PREX2: variants seen among roughly 807,000 people sequenced by gnomAD.
PREX2 encodes the protein phosphatidylinositol 3,4,5-trisphosphate-dependent Rac exchanger 2 protein.
A neutral mutation model predicts 203.2 loss-of-function variants in PREX2; 107 were observed. The ratio of observed to expected loss-of-function variants is 0.53; its 90% CI spans 0.45 to 0.62. The LOEUF (loss-of-function observed/expected upper bound fraction) is 0.62. Ranked by LOEUF, PREX2 falls within the 20% of genes least tolerant of loss-of-function variation. The probability of loss-of-function intolerance (pLI) is 0.00; values close to 1 mark genes in which losing one functional copy is unlikely to be tolerated. For missense variants in PREX2, 1,777 were observed against 1,955.9 expected (o/e 0.91, Z 1.72); for synonymous variants, 672 against 663.6 (o/e 1.01, Z -0.19).
In PREX2 at chr8:68,212,781, A is replaced by G. The variant is rs140570772; in HGVS notation, c.4605-4835A>G. ...ATCAAATTTAAATTATTAAGAGTTT[A>G]TCAAAGCTTTCCAACATCAAAATGA... is the stretch of plus-strand genomic sequence containing the variant. On this transcript the variant is annotated intron_variant, in intron 37 of 39. Coordinates refer to ENST00000288368, the MANE Select transcript of PREX2 (RefSeq NM_024870.4). Among the ~76,000 whole-genome samples the G allele has an allele frequency of 1.7e-3, 252 of 152,354 alleles. 3 individuals carry two copies. The highest frequency in any genetic ancestry group is 0.01 in the Middle Eastern group (3 of 294).
intron 1 of PREX2, among the ~76,000 whole-genome samples, chr8:68,006,016 T>G (rs573887528): frequency 2.6e-5 from 4 of 152,372 alleles, no homozygotes; most frequent in Admixed American, 2.6e-4. Flanking sequence ...CAGTTGATTT[T>G]GGGATATATT....
chr8:67,962,125 G>C (rs1168995842), intron 1 of PREX2, among the ~76,000 whole-genome samples: 1 of 152,068 alleles, frequency 6.6e-6, no homozygotes, highest in Non-Finnish European at 1.5e-5. Flanking sequence ...TTTGATTTTG[G>C]CTTGCCACTT....
chr8:68,140,316 A>G (rs1037219806), intron 33 of PREX2, among the ~76,000 whole-genome samples: 1 of 152,250 alleles, frequency 6.6e-6, no homozygotes, highest in African/African-American at 2.4e-5. Context: ...TTCTGAAAAT[A>G]GTTCTCTAGT....
intron 8 of PREX2, among the ~76,000 whole-genome samples, chr8:68,049,978 T>A (rs1808475698): frequency 6.6e-6 from 1 of 152,034 alleles, no homozygotes; most frequent in South Asian, 2.1e-4. Flanking sequence ...TTTGGTAATT[T>A]TGATGCTATT....
Position 68,138,518 on chromosome 8 carries a change from GT to G in PREX2, c.4087+2del. 1 of 1,514,562 alleles carries G rather than the reference GT, an allele frequency of 6.6e-7. No individual in the cohort carries two copies. Among genetic ancestry groups the G allele is most frequent in the Non-Finnish European group, 9.1e-7 (1 of 1,100,358 alleles). 93.8% of individuals were successfully genotyped at this position (1,514,562 alleles called of 1,614,324 possible). A position where few individuals can be genotyped will look rare whatever the true frequency, so the allele number is the denominator to read the frequency against. ...TCAGAAGAGGAACCTCTGGTTGCAAGTAAGTAATTAGGTATTTACAAAATTT... is the reference window on the plus strand; with the variant it reads ...TCAGAAGAGGAACCTCTGGTTGCAAGAAGTAATTAGGTATTTACAAAATTT... On this transcript the variant is annotated splice_donor_variant, in intron 33 of 39. Coordinates refer to ENST00000288368, the MANE Select transcript of PREX2 (RefSeq NM_024870.4). LOFTEE classifies it high-confidence loss of function.
chr8:68,113,667 G>A (rs1007142551), intron 25 of PREX2, among the ~76,000 whole-genome samples: 3 of 152,058 alleles, frequency 2.0e-5, no homozygotes, highest in African/African-American at 7.2e-5. Context: ...ATCTCACCTC[G>A]CTGTGAGACC....
chr8:68,117,172 A>G (rs1021077435), intron 26 of PREX2, among the ~76,000 whole-genome samples: 2 of 152,234 alleles, frequency 1.3e-5, no homozygotes, highest in African/African-American at 4.8e-5. Context: ...ATATACTTTT[A>G]TCAAACACAT....
At chr8:68,011,689 A>G (rs1380992742) in intron 1 of PREX2, among the ~76,000 whole-genome samples, 1 of 152,068 alleles carries the variant, frequency 6.6e-6, no homozygotes, top group Non-Finnish European at 1.5e-5. Flanking sequence ...TTTTAACCAC[A>G]TAGTGTTGTG....
chr8:68,095,373 C>T (rs925405993), intron 21 of PREX2, among the ~76,000 whole-genome samples: 2 of 152,076 alleles, frequency 1.3e-5, no homozygotes, highest in Non-Finnish European at 2.9e-5. Context: ...CACCAAGTGC[C>T]ACCTCATTCA....
At chr8:68,058,555 T>C (rs560483962) in intron 10 of PREX2, among the ~76,000 whole-genome samples, 100 of 152,208 alleles carry the variant, frequency 6.6e-4, no homozygotes, top group Admixed American at 2.0e-3. Context: ...TGTCTCAGCC[T>C]CCCTAGTGGC....
intron 33 of PREX2, among the ~76,000 whole-genome samples, chr8:68,140,512 T>A (rs1811206295): frequency 6.6e-6 from 1 of 152,222 alleles, no homozygotes; most frequent in South Asian, 2.1e-4. Context: ...ATCTTTCTGT[T>A]ACTTAGATGT....
chr8:68,085,296 C>G (rs576534143), intron 18 of PREX2, among the ~76,000 whole-genome samples: 1 of 152,242 alleles, frequency 6.6e-6, no homozygotes, highest in East Asian at 1.9e-4. Context: ...TTTATTATAT[C>G]AAGAGCATAT....
rs1273128473 is a variant in PREX2 at position 68,097,074 on chromosome 8, G to A, written c.2426G>A (p.Ser809Asn). 12 of 1,613,982 alleles carry A rather than the reference G, an allele frequency of 7.4e-6. No homozygotes were observed. The highest frequency in any genetic ancestry group is 1.1e-5 in the South Asian group (1 of 91,082). ...AIIDGKKEHV[S>N]LTVDNVHLEY... ...ATTGATGGGAAGAAGGAGCATGTGA[G>A]TCTGACAGTGGACAATGTCCACCTG... Residue 809 changes from serine to asparagine, a missense_variant, in exon 22 of 40, where the codon AGT becomes AAT. By Grantham distance (46) the Ser-to-Asn change is conservative. Coordinates refer to ENST00000288368, the MANE Select transcript of PREX2 (RefSeq NM_024870.4).
chr8:68,025,928 C>T (rs1281434324), intron 4 of PREX2, among the ~76,000 whole-genome samples: 1 of 152,088 alleles, frequency 6.6e-6, no homozygotes, highest in Non-Finnish European at 1.5e-5. Context: ...TAGGACACTT[C>T]AGTCCAGAGG....
rs1238110632 is a variant in PREX2, at chr8:68,109,570, CA to C, written c.3096del (p.Lys1032AsnfsTer6). The C allele has an allele frequency of 1.2e-6, 2 of 1,613,972 alleles. No homozygotes were observed. Among genetic ancestry groups the C allele is most frequent in the Non-Finnish European group, 1.7e-6 (2 of 1,179,902 alleles). The part of the protein sequence containing the change: ...TQDIYQKLLG[K>X]LQTALKEVEM... ...AAGACATCTATCAGAAACTGCTGGG[CA>C]AACTTCAGACTGCACTGAAAGAGGT... On this transcript the variant is annotated frameshift_variant, in exon 25 of 40. Coordinates refer to ENST00000288368, the MANE Select transcript of PREX2 (RefSeq NM_024870.4). LOFTEE classifies it high-confidence loss of function.
chr8:68,103,522 T>TA, intron 23 of PREX2: 1 of 518,538 alleles, frequency 1.9e-6, no homozygotes, highest in South Asian at 1.4e-5. Flanking sequence ...TAAAAAGAAA[T>TA]AGCCCTCCCC....
intron 38 of PREX2, 57 bp downstream of exon 38, chr8:68,217,775 C>A: frequency 7.9e-7 from 1 of 1,260,898 alleles, no homozygotes; most frequent in Non-Finnish European, 1.1e-6. Flanking sequence ...CTTGAAGATT[C>A]CTTTGTTCAT....
intron 37 of PREX2, among the ~76,000 whole-genome samples, chr8:68,209,384 C>T (rs990302114): frequency 6.6e-5 from 10 of 152,180 alleles, no homozygotes; most frequent in Admixed American, 6.5e-4. Flanking sequence ...GGAGAACCCT[C>T]ATAAAGTAGG....
At position 68,115,735 on chromosome 8, in the gene PREX2, T is replaced by C; in HGVS notation, c.3147-18T>C. 1.3e-6 allele frequency: 2 copies of C among 1,580,750 alleles called. No individual in the cohort carries two copies. The highest frequency in any genetic ancestry group is 2.3e-5 in the South Asian group (2 of 86,176). On this transcript the variant is annotated intron_variant, in intron 25 of 39. Coordinates refer to ENST00000288368, the MANE Select transcript of PREX2 (RefSeq NM_024870.4). ...GACAGTTTGAAAATGTGCATTTTTT[T>C]TTAATATTACATTGCAGCCTTCTGT...
Sources: allele counts gnomAD v4.1 joint callset (sites outside exome capture counted in the v4.1 genomes callset), GRCh38; gene constraint gnomAD v4.1.1; transcripts MANE v1.5; gene names NCBI Gene and HGNC (gene_info 2026-07-23, HGNC 2026-07-21).